WBP2NL: variants seen among roughly 807,000 people sequenced by gnomAD.
WBP2NL encodes the protein postacrosomal sheath WW domain-binding protein.
A neutral mutation model predicts 23.3 loss-of-function variants in WBP2NL; 27 were observed. The observed-to-expected ratio is 1.16, with a 90% CI of 0.85 to 1.60. The LOEUF (loss-of-function observed/expected upper bound fraction) is 1.60. Ranked by LOEUF, WBP2NL falls within the 40% of genes most tolerant of loss-of-function variation. WBP2NL has a pLI of 0.00. For synonymous variants in WBP2NL, 151 were observed against 145.9 expected (o/e 1.03, Z -0.25); for missense variants, 370 against 389.5 (o/e 0.95, Z 0.42).
At chr22:42,056,404 A>G (rs905878195) in intron 8 of WBP2NL, among the ~76,000 whole-genome samples, 2 of 152,170 alleles carry the variant, frequency 1.3e-5, no homozygotes, top group Admixed American at 6.6e-5. Context: ...TTTAAATCAG[A>G]TGGGGACAAA....
At chr22:42,049,689 CCAAAACAAAACAAAACAAAAAAAA>C (rs1925746886) in intron 8 of WBP2NL, among the ~76,000 whole-genome samples, 2 of 62,948 alleles carry the variant, frequency 3.2e-5, no homozygotes, top group African/African-American at 1.5e-4. Flanking sequence ...GACTCCGTCT[CCAAAACAAAACAAAACAAAAAAAA>C]AAAAAAAAAA....
chr22:42,004,116 T>C (rs5751197), intron 1 of WBP2NL, among the ~76,000 whole-genome samples: 117,262 of 151,874 alleles, frequency 0.77, 45,388 homozygotes, highest in East Asian at 0.91. Context: ...ACTAAGAATA[T>C]GTAAAATTTG....
intron 8 of WBP2NL, among the ~76,000 whole-genome samples, chr22:42,053,209 TTATC>T (rs1925898784): frequency 6.6e-6 from 1 of 152,224 alleles, no homozygotes; most frequent in South Asian, 2.1e-4. Flanking sequence ...CACATTTTGT[TTATC>T]CATTCATCAG....
downstream of WBP2NL, among the ~76,000 whole-genome samples, chr22:42,029,096 A>G (rs1924750477): frequency 6.6e-6 from 1 of 152,170 alleles, no homozygotes; most frequent in Non-Finnish European, 1.5e-5. Flanking sequence ...AAAGTTCTTA[A>G]TTTCATTGGC....
intron 1 of WBP2NL, among the ~76,000 whole-genome samples, chr22:42,000,025 T>TC (rs1921454801): frequency 1.3e-5 from 2 of 152,022 alleles, no homozygotes; most frequent in Admixed American, 1.3e-4. Context: ...AAACTCAGTC[T>TC]CCCCCGCTGT....
chr22:42,001,721 G>A lies in WBP2NL; in HGVS notation c.62+2841G>A, dbSNP rs1481143070. Reference sequence around the variant, plus strand: ...GAAGGTGAAGTTAAGAGCCTGGGTGGGGGAAGTATCTGATGACACTGGCCA... The same window carrying A: ...GAAGGTGAAGTTAAGAGCCTGGGTGAGGGAAGTATCTGATGACACTGGCCA... On this transcript the variant is annotated intron_variant, in intron 1 of 5. Coordinates refer to ENST00000328823, the MANE Select transcript of WBP2NL (RefSeq NM_152613.3). The A allele has an allele frequency of 4.1e-6, 5 of 1,214,356 alleles. No homozygotes were observed. The Admixed American group carries it at 8.5e-5, about 21-fold the overall frequency. 75.2% of individuals were successfully genotyped at this position (1,214,356 alleles called of 1,614,324 possible).
chr22:41,998,839 C>T lies in WBP2NL; in HGVS notation c.21C>T (p.His7=), dbSNP rs750997104. 23 of 1,612,314 alleles carry T rather than the reference C, an allele frequency of 1.4e-5. No individual in the cohort carries two copies. The highest frequency in any genetic ancestry group is 2.0e-5 in the Non-Finnish European group (23 of 1,179,052). The change falls in exon 1 of 6, where the codon CAC becomes CAT. Residue 7 remains histidine, a synonymous_variant. Coordinates refer to ENST00000328823, the MANE Select transcript of WBP2NL (RefSeq NM_152613.3). The part of the protein sequence containing the change: MAVNQS[H]TENRRGALIP... ...GCAAGATGGCGGTGAATCAGAGCCA[C>T]ACCGAGAACCGCCGCGGAGCCCTCA...
At chr22:42,015,319 T>A (rs1923201165) in intron 1 of WBP2NL, among the ~76,000 whole-genome samples, 1 of 152,214 alleles carries the variant, frequency 6.6e-6, no homozygotes, top group Non-Finnish European at 1.5e-5. Context: ...GCAGATGGGC[T>A]TTGTGTGTGT....
downstream of WBP2NL, chr22:42,031,305 G>A (rs1481116772): frequency 6.6e-6 from 1 of 152,182 alleles, no homozygotes; most frequent in East Asian, 1.9e-4. Flanking sequence ...GCTTTGCTGA[G>A]GACAAATCCA....
chr22:42,055,851 C>A (rs936093572), intron 8 of WBP2NL, among the ~76,000 whole-genome samples: 2 of 152,090 alleles, frequency 1.3e-5, no homozygotes, highest in African/African-American at 4.8e-5. Flanking sequence ...ACCCTCCCCC[C>A]AACCCTAGTA....
In WBP2NL at chr22:42,044,976, A is replaced by C. The variant is rs376912279; in HGVS notation, c.*274-13314A>C. Among the ~76,000 whole-genome samples the C allele has an allele frequency of 3.3e-5, 5 of 151,750 alleles. No homozygotes were observed. In the East Asian group the frequency reaches 7.9e-4, roughly 24 times the overall value. ...CTACAGGCACATGCCACACCTGGCTAATTTTTTTTTCTTTATTTATTTTTT... is the reference window on the plus strand; with the variant it reads ...CTACAGGCACATGCCACACCTGGCTCATTTTTTTTTCTTTATTTATTTTTT... On this transcript the variant is annotated intron_variant and NMD_transcript_variant, in intron 8 of 8. Transcript: ENST00000436265.
chr22:42,037,659 A>G (rs983509981), downstream of WBP2NL, among the ~76,000 whole-genome samples: 1 of 152,032 alleles, frequency 6.6e-6, no homozygotes, highest in African/African-American at 2.4e-5. Context: ...GTAAATTCCT[A>G]AGTATTTTAA....
At chr22:42,044,606 TA>T (rs1925514162) in intron 8 of WBP2NL, among the ~76,000 whole-genome samples, 1 of 152,162 alleles carries the variant, frequency 6.6e-6, no homozygotes, top group Non-Finnish European at 1.5e-5. Flanking sequence ...AGTTCGAGAC[TA>T]GCCTGGGCAA....
intron 8 of WBP2NL, among the ~76,000 whole-genome samples, chr22:42,047,822 C>T (rs1201570748): frequency 1.3e-5 from 2 of 151,262 alleles, no homozygotes; most frequent in Admixed American, 6.6e-5. Flanking sequence ...GGGGTTTCAC[C>T]GTGTTAGCCA....
chr22:42,006,744 C>T (rs1922291419), intron 1 of WBP2NL, among the ~76,000 whole-genome samples: 1 of 152,108 alleles, frequency 6.6e-6, no homozygotes, highest in African/African-American at 2.4e-5. Flanking sequence ...CTTTTAATTC[C>T]ATGAACTGTT....
chr22:42,031,737 C>T (rs1387815219), downstream of WBP2NL: 1 of 152,032 alleles, frequency 6.6e-6, no homozygotes, highest in Non-Finnish European at 1.5e-5. Context: ...GCTCTGTCCC[C>T]CAGGCTGGAG....
intron 1 of WBP2NL, among the ~76,000 whole-genome samples, chr22:42,008,899 C>T (rs951734239): frequency 6.6e-6 from 1 of 152,250 alleles, no homozygotes; most frequent in Non-Finnish European, 1.5e-5. Context: ...CTGCCTCAGC[C>T]TCCTGAGTAG....
chr22:42,033,668 G>A (rs1011369697), downstream of WBP2NL, among the ~76,000 whole-genome samples: 2 of 152,196 alleles, frequency 1.3e-5, no homozygotes, highest in African/African-American at 4.8e-5. Context: ...TCTCAGCAGA[G>A]AGGAGGCCCT....
Position 42,026,943 on chromosome 22 carries a change from A to G in WBP2NL, c.692A>G (p.Tyr231Cys). The change falls in exon 6 of 6, where the codon TAT (tyrosine) becomes TGT (cysteine). Residue 231 changes from tyrosine to cysteine, a missense_variant. Coordinates refer to ENST00000328823, the MANE Select transcript of WBP2NL (RefSeq NM_152613.3). ...PLGYGAPPAG[Y>C]GAPPLGYGAP... ...GGATACGGAGCCCCACCTGCAGGAT[A>G]TGGAGCCCCACCTCTAGGATATGGA... 6.2e-7 allele frequency: 1 copy of G among 1,613,142 alleles called. No homozygotes were observed. Among genetic ancestry groups the G allele is most frequent in the Non-Finnish European group, 8.5e-7 (1 of 1,179,648 alleles).
Sources: gnomAD v4.1 joint callset for allele counts (sites outside exome capture counted in the v4.1 genomes callset) on GRCh38, gnomAD v4.1.1 for gene constraint, MANE v1.5 for transcripts, NCBI Gene and HGNC (gene_info 2026-07-23, HGNC 2026-07-21) for gene names.